Variants in CAMSAP3 observed in about 807,000 individuals in gnomAD.
The protein encoded by CAMSAP3 is calmodulin-regulated spectrin-associated protein 3.
CAMSAP3 carries 34 observed loss-of-function variants against 112.5 expected under a neutral mutation model. The ratio of observed to expected loss-of-function variants is 0.30; its 90% CI spans 0.23 to 0.40. The LOEUF is 0.40. Among genes scored for constraint, CAMSAP3 ranks in the 10% least tolerant of loss-of-function variants. The pLI is 1.00. For missense variants in CAMSAP3, 1,602 were observed against 1,770.3 expected, an observed-to-expected ratio of 0.90 and a Z score of 1.71; for synonymous variants, 868 against 799.8, an observed-to-expected ratio of 1.09 and a Z score of -1.44.
intron 1 of CAMSAP3, among the ~76,000 whole-genome samples, chr19:7,603,534 C>T (rs1854404396): frequency 1.3e-5 from 2 of 151,846 alleles, no homozygotes; most frequent in Admixed American, 1.3e-4. Flanking sequence ...TTCTTTCAAA[C>T]ACACACACAG....
rs779709863 is a variant in CAMSAP3 at position 7,612,629 on chromosome 19, G to A, written c.2136G>A (p.Ser712=). Residue 712 remains serine, a synonymous_variant, in exon 11 of 17, where the codon TCG becomes TCA. Transcript: ENST00000160298. ...AVSKLSAALS[S]LQRDMQRLTD... ...GCAAGCTGAGTGCCGCCTTGAGCTC[G>A]CTGCAGCGGGACATGCAGAGGCTCA... 12 of 1,521,884 alleles carry A rather than the reference G, an allele frequency of 7.9e-6. No homozygotes were observed. In the Admixed American group the frequency reaches 1.4e-4, roughly 18 times the overall value. 94.3% of individuals were successfully genotyped at this position (1,521,884 alleles called of 1,614,324 possible).
rs1355236574 is a variant in CAMSAP3 at position 7,607,288 on chromosome 19, C to A, written c.621+717C>A. ...ATAGAATAACTTTCCTAACTGAGAC[C>A]CCCAGCTTCCCTAGAGAAAAATCCC... On this transcript the variant is annotated intron_variant, in intron 4 of 16. Coordinates refer to ENST00000160298, the MANE Select transcript of CAMSAP3 (RefSeq NM_020902.2). This position sits in a 1 kb window ranked among gnomAD's most constrained non-coding sequence, Gnocchi z 4.9. 1.3e-5 allele frequency among the ~76,000 whole-genome samples: 2 copies of A among 152,180 alleles called. No individual in the cohort carries two copies. Among genetic ancestry groups the A allele is most frequent in the East Asian group, 3.9e-4 (2 of 5,190 alleles).
At chr19:7,613,714 C>T (rs1032108680) in intron 11 of CAMSAP3, among the ~76,000 whole-genome samples, 2 of 151,930 alleles carry the variant, frequency 1.3e-5, no homozygotes, top group African/African-American at 2.4e-5. Context: ...GACAGATAGA[C>T]GGACAGGACC....
In CAMSAP3 at chr19:7,611,203, A is replaced by C; in HGVS notation, c.1123+35A>C. 1 of 1,600,638 alleles carries C rather than the reference A, an allele frequency of 6.2e-7. No individual in the cohort carries two copies. On this transcript the variant is annotated intron_variant, in intron 9 of 16. Transcript: ENST00000160298. The surrounding 1 kb of genome is among the most constrained non-coding windows in gnomAD (Gnocchi z 6.9). ...GGGTAGGTGGCTTCTGTCACGGGGG[A>C]CCCCCCCACTCACAGACTGCCCCAG...
At position 7,611,937 on chromosome 19, in the gene CAMSAP3, A is replaced by T. The variant is rs1245303156; in HGVS notation, c.1444A>T (p.Ser482Cys). Residue 482 changes from serine to cysteine, a missense_variant, in exon 11 of 17, where the codon AGC becomes TGC. Ser to Cys is a moderately radical substitution (Grantham distance 112, BLOSUM62 -1). Coordinates refer to ENST00000160298, the MANE Select transcript of CAMSAP3 (RefSeq NM_020902.2). This position sits in a 1 kb window ranked among gnomAD's most constrained non-coding sequence, Gnocchi z 6.9. The part of the protein sequence containing the change: ...RLLPDGAADG[S>C]FYLHSPEGPS... ...CCTCCCAGATGGGGCGGCCGACGGC[A>T]GCTTCTACCTCCACTCCCCTGAGGG... The T allele has an allele frequency of 6.3e-7, 1 of 1,596,224 alleles. No homozygotes were observed. The highest frequency in any genetic ancestry group is 2.2e-5 in the East Asian group (1 of 44,534).
chr19:7,611,495 G>A lies in CAMSAP3; in HGVS notation c.1124-22G>A. On this transcript the variant is annotated intron_variant, in intron 9 of 16. Coordinates refer to ENST00000160298, the MANE Select transcript of CAMSAP3 (RefSeq NM_020902.2). This position sits in a 1 kb window ranked among gnomAD's most constrained non-coding sequence, Gnocchi z 6.9. ...TCAGGGTTCCCAGGGTCCCCATAGTGACCACTCATCGCCTCCCCCAGGCTC... is the reference window on the plus strand; with the variant it reads ...TCAGGGTTCCCAGGGTCCCCATAGTAACCACTCATCGCCTCCCCCAGGCTC... The A allele has an allele frequency of 6.3e-7, 1 of 1,592,968 alleles. No individual in the cohort carries two copies. Among genetic ancestry groups the A allele is most frequent in the South Asian group, 1.1e-5 (1 of 88,112 alleles).
chr19:7,597,137 C>T (rs905088288), intron 1 of CAMSAP3, among the ~76,000 whole-genome samples: 3 of 152,134 alleles, frequency 2.0e-5, no homozygotes, highest in Admixed American at 6.5e-5. Context: ...CTGGTTCTGC[C>T]CACTGGTGTT....
At chr19:7,616,796 G>A (rs1257179962) in intron 14 of CAMSAP3, among the ~76,000 whole-genome samples, 174 bp downstream of exon 14, 2 of 152,106 alleles carry the variant, frequency 1.3e-5, no homozygotes, top group Non-Finnish European at 2.9e-5. Flanking sequence ...GTCTGTACCT[G>A]GCAGACAGGA....
Position 7,608,212 on chromosome 19 carries a change from C to T in CAMSAP3, c.708C>T (p.Ala236=), listed in dbSNP as rs8109417. 1.4e-3 allele frequency: 2,256 copies of T among 1,612,636 alleles called. 33 individuals carry two copies. The African/African-American group carries it at 0.027, about 19-fold the overall frequency. ...VTSLQDLASG[A]ALAATIHCYC... The stretch of plus-strand genomic sequence containing the variant: ...GCCTCCAGGACCTGGCCAGTGGGGC[C>T]GCGCTGGCCGCCACCATCCACTGCT... The change falls in exon 5 of 17, where the codon GCC becomes GCT. Residue 236 remains alanine (A), a synonymous_variant. Coordinates refer to ENST00000160298, the MANE Select transcript of CAMSAP3 (RefSeq NM_020902.2).
chr19:7,606,136 G>GCCCCCCCCCCCCAAACCCC, intron 2 of CAMSAP3, 135 bp from the exon 3 acceptor site: 2 of 511,800 alleles, frequency 3.9e-6, no homozygotes, highest in Admixed American at 3.1e-5. Flanking sequence ...TGAACCACTG[G>GCCCCCCCCCCCCAAACCCC]CCCCGCCCCC....
rs1324192301 is a variant in CAMSAP3, at chr19:7,615,876, A to C, written c.3112+157A>C. 1.3e-5 allele frequency among the ~76,000 whole-genome samples: 2 copies of C among 151,590 alleles called. No individual in the cohort carries two copies. The highest frequency in any genetic ancestry group is 4.9e-5 in the African/African-American group (2 of 41,190). ...GACAGGGGGCCTCAGGTGGGGTTGG[A>C]CACTGTCTCTTGGGTAAAGACTTCC... On this transcript the variant is annotated intron_variant, in intron 13 of 16. Transcript: ENST00000160298. This position sits in a 1 kb window ranked among gnomAD's most constrained non-coding sequence, Gnocchi z 6.5.
In CAMSAP3 at chr19:7,611,108, A is replaced by G. The variant is rs199671569; in HGVS notation, c.1063A>G (p.Thr355Ala). The G allele has an allele frequency of 6.0e-5, 97 of 1,613,328 alleles. No individual in the cohort carries two copies. The highest frequency in any genetic ancestry group is 8.3e-5 in the Admixed American group (5 of 59,972). The change falls in exon 9 of 17, where the codon ACC becomes GCC. Residue 355 changes from threonine (T) to alanine (A), a missense_variant. Thr to Ala is a moderately conservative substitution (Grantham distance 58, BLOSUM62 0). Around this residue, in one of 6 missense-constraint regions of CAMSAP3, gnomAD observed 1,100 missense variants for 1,135.7 expected, o/e 0.97. Transcript: ENST00000160298. This position sits in a 1 kb window ranked among gnomAD's most constrained non-coding sequence, Gnocchi z 6.9. ...CTCTCCGTACAGTTCTCCTGTCTTC[A>G]CCTTCCGCCACCCGCTTCTGTCATC... is the stretch of plus-strand genomic sequence containing the variant. ...NNSGSSSPVFTFRHPLLSSGG... is the reference protein window; with the variant it reads ...NNSGSSSPVFAFRHPLLSSGG...
At position 7,612,454 on chromosome 19, in the gene CAMSAP3, A is replaced by G. The variant is rs1422426619; in HGVS notation, c.1961A>G (p.Glu654Gly). ...EASGEAEAEA[E>G]EADSGPVPGG... ...TCTGGGGAGGCGGAAGCAGAGGCGGAGGAGGCCGATTCCGGTCCAGTCCCT... is the reference window on the plus strand; with the variant it reads ...TCTGGGGAGGCGGAAGCAGAGGCGGGGGAGGCCGATTCCGGTCCAGTCCCT... The change falls in exon 11 of 17, where the codon GAG (glutamate) becomes GGG (glycine). Residue 654 changes from glutamate to glycine, a missense_variant. By Grantham distance (98) the Glu-to-Gly change is moderately conservative. This residue lies in a region of CAMSAP3 where 1,100 missense variants were observed against 1,135.7 expected (regional missense o/e 0.97). Coordinates refer to ENST00000160298, the MANE Select transcript of CAMSAP3 (RefSeq NM_020902.2). The G allele has an allele frequency of 1.9e-6, 3 of 1,580,658 alleles. No individual in the cohort carries two copies. The highest frequency in any genetic ancestry group is 2.6e-6 in the Non-Finnish European group (3 of 1,165,844).
chr19:7,612,610 T>C lies in CAMSAP3; in HGVS notation c.2117T>C (p.Leu706Pro). ...LGEYNRAVSK[L>P]SAALSSLQRD... is the part of the protein sequence containing the mutation. ...GAATACAATCGAGCGGTCAGCAAGC[T>C]GAGTGCCGCCTTGAGCTCGCTGCAG... Residue 706 changes from leucine (L) to proline (P), a missense_variant, in exon 11 of 17, where the codon CTG (leucine) becomes CCG (proline). Leu to Pro is a moderately conservative substitution (Grantham distance 98). Transcript: ENST00000160298. 1 of 1,530,026 alleles carries C rather than the reference T, an allele frequency of 6.5e-7. No individual in the cohort carries two copies. Among genetic ancestry groups the C allele is most frequent in the Non-Finnish European group, 8.8e-7 (1 of 1,142,132 alleles). 94.8% of individuals were successfully genotyped at this position (1,530,026 alleles called of 1,614,324 possible).
Position 7,617,293 on chromosome 19 carries a change from C to T in CAMSAP3, c.3213-33C>T, listed in dbSNP as rs1455490179. On this transcript the variant is annotated intron_variant, in intron 14 of 16. Transcript: ENST00000160298. This position sits in a 1 kb window ranked among gnomAD's most constrained non-coding sequence, Gnocchi z 7.5. The stretch of plus-strand genomic sequence containing the variant: ...TGACCCCACCTCCATCCCATCCTGA[C>T]CCCACCTCCATCCCATCCTTCTCCC... 2 of 1,497,344 alleles carry T rather than the reference C, an allele frequency of 1.3e-6. No homozygotes were observed. The highest frequency in any genetic ancestry group is 2.8e-5 in the African/African-American group (2 of 72,604). The allele number at this position is 1,497,344 out of a possible 1,614,324, so 92.8% of individuals were successfully genotyped here. A position where few individuals can be genotyped will look rare whatever the true frequency, so the allele number is the denominator to read the frequency against.
chr19:7,602,471 C>T (rs575528485), intron 1 of CAMSAP3, among the ~76,000 whole-genome samples: 4 of 152,216 alleles, frequency 2.6e-5, no homozygotes, highest in African/African-American at 9.6e-5. Context: ...GGGAGCAAGA[C>T]GTGCCCAAGG....
chr19:7,598,772 G>C (rs1317146548), intron 1 of CAMSAP3, among the ~76,000 whole-genome samples: 1 of 151,936 alleles, frequency 6.6e-6, no homozygotes, highest in Admixed American at 6.6e-5. Context: ...GGGTGAAAGA[G>C]AGAGACTCTG....
At chr19:7,609,151 C>T (rs1481785439) in intron 5 of CAMSAP3, among the ~76,000 whole-genome samples, 1 of 151,532 alleles carries the variant, frequency 6.6e-6, no homozygotes, top group Non-Finnish European at 1.5e-5. Flanking sequence ...GAAACCGTCT[C>T]TACTAAAAAT....
At chr19:7,616,652 T>TATGCCGGGTGGCTTCCC in intron 14 of CAMSAP3, 30 bp downstream of exon 14, 1 of 1,539,428 alleles carries the variant, frequency 6.5e-7, no homozygotes, top group East Asian at 2.2e-5. Flanking sequence ...GCGGGGTTCG[T>TATGCCGGGTGGCTTCCC]ATGCCGGGTG....
Sources: gnomAD v4.1 joint callset for allele counts (sites outside exome capture counted in the v4.1 genomes callset) on GRCh38, gnomAD v4.1.1 for gene constraint, gnomAD v4.1.1 regional missense constraint, Gnocchi (gnomAD v3.1) non-coding constraint, MANE v1.5 for transcripts, NCBI Gene and HGNC (gene_info 2026-07-23, HGNC 2026-07-21) for gene names.